Variants in MTMR9 observed in about 807,000 individuals in gnomAD.
MTMR9 encodes the protein myotubularin-related protein 9.
Under a neutral mutation model 69.5 loss-of-function variants are expected in MTMR9, and 39 were observed. The observed-to-expected ratio is 0.56, with a 90% CI of 0.43 to 0.73. The LOEUF (loss-of-function observed/expected upper bound fraction) is 0.73. Ranked by LOEUF, MTMR9 falls within the 30% of genes least tolerant of loss-of-function variation. The pLI, the probability that MTMR9 is intolerant of heterozygous loss-of-function variation, is 0.00. For missense variants in MTMR9, 900 were observed against 671.2 expected (o/e 1.34, Z -3.77); for synonymous variants, 354 against 240.8 (o/e 1.47, Z -4.35).
chr8:11,289,129 A>T (rs1167515382), intron 1 of MTMR9, among the ~76,000 whole-genome samples: 1 of 152,198 alleles, frequency 6.6e-6, no homozygotes. Flanking sequence ...CTGAGATTGC[A>T]CCACTGAACT....
intron 1 of MTMR9, among the ~76,000 whole-genome samples, chr8:11,292,617 C>A (rs1417895866): frequency 6.6e-6 from 1 of 152,106 alleles, no homozygotes; most frequent in African/African-American, 2.4e-5. Context: ...TTTTCATATG[C>A]TTATTTGCCA....
Position 11,316,662 on chromosome 8 carries a change from C to G in MTMR9, c.1114-11C>G. 1 of 1,573,190 alleles carries G rather than the reference C, an allele frequency of 6.4e-7. No homozygotes were observed. Among genetic ancestry groups the G allele is most frequent in the Non-Finnish European group, 8.6e-7 (1 of 1,160,304 alleles). ...CAGGATATGACTGTCACGCCTCCAT[C>G]TTCCCCCTAGGCTGGTCACCCATTC... On this transcript the variant is annotated splice_polypyrimidine_tract_variant and intron_variant, in intron 7 of 9. Transcript: ENST00000221086.
At chr8:11,306,104 ATACTCT>A (rs1366225991) in intron 4 of MTMR9, 80 bp from the exon 5 acceptor site, 6 of 1,126,902 alleles carry the variant, frequency 5.3e-6, no homozygotes, top group African/African-American at 3.1e-5. Context: ...TGTTTTTGAG[ATACTCT>A]TAATCTAGCT....
intron 1 of MTMR9, among the ~76,000 whole-genome samples, chr8:11,293,545 GTT>G (rs1166397098): frequency 6.6e-6 from 1 of 152,098 alleles, no homozygotes; most frequent in African/African-American, 2.4e-5. Flanking sequence ...AAGAGCAGAC[GTT>G]TTACATTTTG....
At chr8:11,337,485 G>T in the MTMR9 span, among the ~76,000 whole-genome samples, 2 of 152,136 alleles carry the variant, frequency 1.3e-5, no homozygotes, top group Non-Finnish European at 2.9e-5. Flanking sequence ...CCTTGCATTT[G>T]TCTTCCTCAG....
intron 7 of MTMR9, chr8:11,315,806 T>C (rs1273084582): frequency 6.6e-6 from 1 of 152,308 alleles, no homozygotes; most frequent in Non-Finnish European, 1.5e-5. Flanking sequence ...TGAAAGTCTA[T>C]TGAGCTATAT....
chr8:11,331,866 A>G, downstream of MTMR9: 17 of 1,611,732 alleles, frequency 1.1e-5, no homozygotes, highest in Admixed American at 1.7e-5. Flanking sequence ...CCTGAGTTGG[A>G]GTTGTGTGGG....
At chr8:11,292,957 A>G (rs375525069) in intron 1 of MTMR9, among the ~76,000 whole-genome samples, 32 of 152,348 alleles carry the variant, frequency 2.1e-4, no homozygotes, top group South Asian at 1.9e-3. Context: ...TGTATTTACT[A>G]TAGTATACTT....
chr8:11,331,893 G>A (rs773079146), downstream of MTMR9: 89 of 1,611,306 alleles, frequency 5.5e-5, no homozygotes, highest in East Asian at 6.7e-5. Context: ...GGGGATCCTC[G>A]CCTTGGTCTC....
At chr8:11,296,655 C>G (rs1199531251) in intron 2 of MTMR9, among the ~76,000 whole-genome samples, 5 of 152,124 alleles carry the variant, frequency 3.3e-5, no homozygotes, top group Non-Finnish European at 5.9e-5. Flanking sequence ...CTTTTTGTGA[C>G]TGGTTTTTTT....
At chr8:11,320,895 G>C (rs1032420997) in intron 9 of MTMR9, 2 of 152,872 alleles carry the variant, frequency 1.3e-5, no homozygotes, top group African/African-American at 4.8e-5. Context: ...ATACATACAA[G>C]AATGGTAGCT....
downstream of MTMR9, chr8:11,331,293 C>T (rs1248861694): frequency 3.1e-6 from 5 of 1,613,876 alleles, no homozygotes; most frequent in Admixed American, 6.7e-5. Flanking sequence ...TATGGCTTAC[C>T]AGGGTTCCAA....
downstream of MTMR9, chr8:11,331,405 T>C: frequency 6.2e-7 from 1 of 1,613,948 alleles, no homozygotes; most frequent in African/African-American, 1.3e-5. Context: ...CCTCCTGACA[T>C]CCGAGGCTGG....
chr8:11,302,400 A>G (rs757155796), intron 3 of MTMR9, among the ~76,000 whole-genome samples: 1 of 151,964 alleles, frequency 6.6e-6, no homozygotes, highest in Non-Finnish European at 1.5e-5. Context: ...CCCAGCAAAT[A>G]CCATACAAGA....
In MTMR9 at chr8:11,285,088, C is replaced by T. The variant is rs762377133; in HGVS notation, c.182+18C>T. ...GACAAGCGGTGAGTGCCCGCCCCAC[C>T]CCAGCTCCGCAGGGAGCCGGGGGTC... On this transcript the variant is annotated intron_variant, in intron 1 of 9. Coordinates refer to ENST00000221086, the MANE Select transcript of MTMR9 (RefSeq NM_015458.4). The T allele has an allele frequency of 9.7e-6, 15 of 1,545,984 alleles. No individual in the cohort carries two copies. The highest frequency in any genetic ancestry group is 1.3e-5 in the Non-Finnish European group (15 of 1,140,328).
rs757952852 is a variant in MTMR9, at chr8:11,300,002, T to G, written c.292-21T>G. 6.3e-5 allele frequency: 100 copies of G among 1,599,630 alleles called. 1 individual carries two copies. The South Asian group carries it at 1.0e-3, about 17-fold the overall frequency. ...AGTTGTGGATGTTTCTTTTTTGTCTTTCTTTTCTTTTTGCCCCCAGGCATT... is the reference window on the plus strand; with the variant it reads ...AGTTGTGGATGTTTCTTTTTTGTCTGTCTTTTCTTTTTGCCCCCAGGCATT... On this transcript the variant is annotated intron_variant, in intron 2 of 9. Transcript: ENST00000221086.
At chr8:11,338,025 A>C in the MTMR9 span, among the ~76,000 whole-genome samples, 2 of 152,220 alleles carry the variant, frequency 1.3e-5, no homozygotes, top group East Asian at 3.9e-4. Context: ...GTCCAAGGAG[A>C]ACATGTCTGG....
At chr8:11,309,828 A>G (rs967798976) in intron 6 of MTMR9, 140 bp downstream of exon 6, 1 of 824,932 alleles carries the variant, frequency 1.2e-6, no homozygotes, top group African/African-American at 1.7e-5. Context: ...CCCATTATTG[A>G]TGAGGTGTGT....
In MTMR9 at chr8:11,325,799, C is replaced by T. The variant is rs539974401; in HGVS notation, c.*3011C>T. 1 of 151,654 alleles carries T rather than the reference C, an allele frequency of 6.6e-6. No homozygotes were observed. The highest frequency in any genetic ancestry group is 1.5e-5 in the Non-Finnish European group (1 of 67,950). 9.4% of individuals were successfully genotyped at this position (151,654 alleles called of 1,614,324 possible). On this transcript the variant is annotated 3_prime_UTR_variant, in exon 10 of 10. Coordinates refer to ENST00000221086, the MANE Select transcript of MTMR9 (RefSeq NM_015458.4). ...TTGATTTTATTAAATGGGAAGAAAGCAAGCAGAAATAGTAAAATTCAGTAG... is the reference window on the plus strand; with the variant it reads ...TTGATTTTATTAAATGGGAAGAAAGTAAGCAGAAATAGTAAAATTCAGTAG...
Sources: gnomAD v4.1 joint callset for allele counts (sites outside exome capture counted in the v4.1 genomes callset) on GRCh38, gnomAD v4.1.1 for gene constraint, MANE v1.5 for transcripts, NCBI Gene and HGNC (gene_info 2026-07-23, HGNC 2026-07-21) for gene names.